The following PTK2 variants were observed in gnomAD, a reference collection of about 807,000 sequenced individuals.
The protein encoded by PTK2 is protein tyrosine kinase 2.
A neutral mutation model predicts 150.1 loss-of-function variants in PTK2; 45 were observed. The ratio of observed to expected loss-of-function variants is 0.30; its 90% CI spans 0.24 to 0.38. The LOEUF (loss-of-function observed/expected upper bound fraction) is 0.38. Among genes scored for constraint, PTK2 ranks in the 10% least tolerant of loss-of-function variants. The pLI, the probability that PTK2 is intolerant of heterozygous loss-of-function variation, is 1.00. For missense variants in PTK2, 919 were observed against 1,307.3 expected (o/e 0.70, Z 4.58); for synonymous variants, 432 against 449.2 (o/e 0.96, Z 0.48).
chr8:140,750,014 G>A (rs1434086823), intron 17 of PTK2, among the ~76,000 whole-genome samples: 1 of 152,176 alleles, frequency 6.6e-6, no homozygotes, highest in Non-Finnish European at 1.5e-5. Flanking sequence ...TACCAGCAAA[G>A]GTAAGGCAGA....
At chr8:140,831,285 C>G (rs2154602958) in intron 7 of PTK2, among the ~76,000 whole-genome samples, 1 of 152,266 alleles carries the variant, frequency 6.6e-6, no homozygotes, top group South Asian at 2.1e-4. Flanking sequence ...CTAGGTGTCA[C>G]TCGTGTGCTA....
chr8:140,872,358 T>C (rs2154606840), intron 4 of PTK2, among the ~76,000 whole-genome samples: 1 of 152,316 alleles, frequency 6.6e-6, no homozygotes, highest in South Asian at 2.1e-4. Context: ...TGCATGCTTT[T>C]AAATTTTCTA....
At chr8:140,739,475 C>G (rs1593041122) in intron 20 of PTK2, among the ~76,000 whole-genome samples, 1 of 152,144 alleles carries the variant, frequency 6.6e-6, no homozygotes, top group East Asian at 1.9e-4. Context: ...GCTCGCTATA[C>G]ACATGTCCTG....
At chr8:140,755,772 AT>A (rs1426141121) in intron 16 of PTK2, among the ~76,000 whole-genome samples, 2 of 152,198 alleles carry the variant, frequency 1.3e-5, no homozygotes, top group African/African-American at 4.8e-5. Flanking sequence ...TGATTACAAA[AT>A]TGCTCAAAGA....
rs564176383 is a variant in PTK2, at chr8:140,836,408, G to C, written c.594-5882C>G. ...ACGTGGTGATGAGTGATGTTCAGCA[G>C]CCTCTTAGGCTATGAGGTGGCTATG... On this transcript the variant is annotated intron_variant, in intron 7 of 31. Coordinates refer to ENST00000522684, the Ensembl canonical transcript of PTK2. 3.5e-4 allele frequency among the ~76,000 whole-genome samples: 53 copies of C among 152,304 alleles called. No individual in the cohort carries two copies. In the East Asian group the frequency reaches 7.9e-3, roughly 23 times the overall value.
In PTK2 at chr8:140,770,031, C is replaced by T. The variant is rs984641183; in HGVS notation, c.1178-5741G>A. On this transcript the variant is annotated intron_variant, in intron 14 of 31. Transcript: ENST00000522684. ...TGTTTAGTTACAAGAAGAGAATAAGCCCTCAGCAAGCCCATTCCAATAAGC... is the reference window on the plus strand; with the variant it reads ...TGTTTAGTTACAAGAAGAGAATAAGTCCTCAGCAAGCCCATTCCAATAAGC... Among the ~76,000 whole-genome samples, 6 of 152,170 alleles carry T rather than the reference C, an allele frequency of 3.9e-5. 1 individual carries two copies. The South Asian group carries it at 8.3e-4, about 21-fold the overall frequency.
chr8:140,709,406 A>C (rs1452811658), intron 23 of PTK2, among the ~76,000 whole-genome samples: 1 of 152,228 alleles, frequency 6.6e-6, no homozygotes, highest in East Asian at 1.9e-4. Flanking sequence ...ACAACACAAA[A>C]TCAAATGTTG....
chr8:140,788,230 CTTAG>C (rs1296704008), intron 14 of PTK2, among the ~76,000 whole-genome samples: 3 of 152,218 alleles, frequency 2.0e-5, no homozygotes, highest in East Asian at 1.9e-4. Flanking sequence ...CTTCTCTCTA[CTTAG>C]TTAGGAAGTG....
At chr8:140,751,685 T>C (rs1056459445) in intron 17 of PTK2, among the ~76,000 whole-genome samples, 1 of 152,102 alleles carries the variant, frequency 6.6e-6, no homozygotes, top group Non-Finnish European at 1.5e-5. Context: ...TAGAAGACTG[T>C]TTCACCATGT....
intron 5 of PTK2, among the ~76,000 whole-genome samples, chr8:140,862,496 T>G (rs1015472486): frequency 7.2e-5 from 11 of 152,298 alleles, no homozygotes; most frequent in South Asian, 4.1e-4. Context: ...TTTTACCAAC[T>G]TAACTCCCTT....
intron 2 of PTK2, among the ~76,000 whole-genome samples, chr8:140,892,787 G>A (rs1471195793): frequency 6.6e-6 from 1 of 152,006 alleles, no homozygotes; most frequent in East Asian, 1.9e-4. Flanking sequence ...TTTAAAATGA[G>A]GGGGGAAATG....
At chr8:140,803,979 C>A (rs146990396) in intron 10 of PTK2, among the ~76,000 whole-genome samples, 58 of 152,264 alleles carry the variant, frequency 3.8e-4, no homozygotes, top group African/African-American at 1.3e-3. Context: ...GACTCGTTTG[C>A]CAGCCTGGGA....
chr8:140,677,662 C>G (rs773944899), intron 27 of PTK2, among the ~76,000 whole-genome samples: 5 of 152,206 alleles, frequency 3.3e-5, no homozygotes, highest in Non-Finnish European at 7.3e-5. Flanking sequence ...AATTGTTCCT[C>G]CCTCACACAA....
intron 8 of PTK2, chr8:140,820,818 G>T (rs528085004): frequency 6.6e-6 from 1 of 152,248 alleles, no homozygotes; most frequent in Non-Finnish European, 1.5e-5. Flanking sequence ...GTCCTGGCTG[G>T]CCCAGCAGAC....
chr8:140,669,995 A>G lies in PTK2; in HGVS notation c.2710-1571T>C, dbSNP rs1041704006. On this transcript the variant is annotated intron_variant, in intron 29 of 31. Coordinates refer to ENST00000522684, the Ensembl canonical transcript of PTK2. Reference sequence around the variant, plus strand: ...CCATGCTCAGTTACAAAACAAATGCAGGGAACATGCAAAGCCCGAGGAACA... The same window carrying G: ...CCATGCTCAGTTACAAAACAAATGCGGGGAACATGCAAAGCCCGAGGAACA... 1.2e-5 allele frequency: 6 copies of G among 480,248 alleles called. No individual in the cohort carries two copies. The Admixed American group carries it at 2.2e-4, about 18-fold the overall frequency. 29.7% of individuals were successfully genotyped at this position (480,248 alleles called of 1,614,324 possible). A position where few individuals can be genotyped will look rare whatever the true frequency, so the allele number is the denominator to read the frequency against.
intron 22 of PTK2, chr8:140,718,598 A>G (rs1317536519): frequency 1.3e-5 from 2 of 152,206 alleles, no homozygotes; most frequent in Non-Finnish European, 2.9e-5. Flanking sequence ...GGCTCCTGGT[A>G]GATAGTGTGC....
intron 22 of PTK2, among the ~76,000 whole-genome samples, chr8:140,730,113 C>T (rs190474792): frequency 2.6e-5 from 4 of 152,300 alleles, no homozygotes; most frequent in Admixed American, 2.6e-4. Context: ...TCCTAAAGAG[C>T]TCAATGATAG....
chr8:140,936,699 C>T (rs1176950152), intron 1 of PTK2, among the ~76,000 whole-genome samples: 1 of 152,140 alleles, frequency 6.6e-6, no homozygotes, highest in Non-Finnish European at 1.5e-5. Flanking sequence ...CAGCACACAT[C>T]ACATCAGACA....
intron 14 of PTK2, 129 bp from the exon 15 acceptor site, chr8:140,770,928 C>T: frequency 3.6e-6 from 1 of 280,302 alleles, no homozygotes; most frequent in Non-Finnish European, 6.6e-6. Flanking sequence ...TTTATTTTGA[C>T]TATTGGCATG....
Sources: allele counts gnomAD v4.1 joint callset (sites outside exome capture counted in the v4.1 genomes callset), GRCh38; gene constraint gnomAD v4.1.1; transcripts MANE v1.5; gene names NCBI Gene and HGNC (gene_info 2026-07-23, HGNC 2026-07-21).